Variants in SNRNP40 observed in about 807,000 individuals in gnomAD.
SNRNP40 encodes U5 small nuclear ribonucleoprotein 40 kDa protein.
In SNRNP40, 21 loss-of-function variants were observed where a neutral mutation model predicts 45.8. The observed-to-expected ratio is 0.46, with a 90% confidence interval of 0.32 to 0.66. The LOEUF (loss-of-function observed/expected upper bound fraction) is 0.66. Ranked by LOEUF, SNRNP40 falls within the 30% of genes least tolerant of loss-of-function variation. SNRNP40 has a pLI of 0.03. For missense variants in SNRNP40, 344 were observed against 439.1 expected (o/e 0.78, Z 1.94); for synonymous variants, 142 against 163.8 (o/e 0.87, Z 1.01).
intron 5 of SNRNP40, among the ~76,000 whole-genome samples, chr1:31,274,274 G>C (rs1431062430): frequency 6.6e-6 from 1 of 152,132 alleles, no homozygotes; most frequent in Non-Finnish European, 1.5e-5. Context: ...GTCTCCCTCT[G>C]TTGCCAGGCT....
At position 31,281,598 on chromosome 1, in the gene SNRNP40, A is replaced by G. The variant is rs1031287159; in HGVS notation, c.532-102T>C. 5.1e-5 allele frequency: 52 copies of G among 1,010,154 alleles called. No homozygotes were observed. In the African/African-American group the frequency reaches 7.8e-4, roughly 15 times the overall value. The allele number at this position is 1,010,154 out of a possible 1,614,324, so 62.6% of individuals were successfully genotyped here. A position where few individuals can be genotyped will look rare whatever the true frequency, so the allele number is the denominator to read the frequency against. ...ACGAGGACTTTGTGGACATGAACAC[A>G]TCTATAATTGGGATCCTATATCACT... On this transcript the variant is annotated intron_variant, in intron 4 of 9. Transcript: ENST00000263694.
intron 4 of SNRNP40, among the ~76,000 whole-genome samples, chr1:31,287,704 T>C (rs11587499): frequency 3.9e-5 from 6 of 152,066 alleles, no homozygotes; most frequent in Non-Finnish European, 8.8e-5. Context: ...AACCACTCAG[T>C]AGAAAAACGT....
chr1:31,285,737 G>A (rs1183361479), intron 4 of SNRNP40, among the ~76,000 whole-genome samples: 1 of 152,162 alleles, frequency 6.6e-6, no homozygotes, highest in Non-Finnish European at 1.5e-5. Flanking sequence ...ACTCCAGTCT[G>A]CAAGACTCTC....
At chr1:31,294,268 T>C (rs1361597572) in intron 1 of SNRNP40, among the ~76,000 whole-genome samples, 1 of 152,084 alleles carries the variant, frequency 6.6e-6, no homozygotes, top group Admixed American at 6.6e-5. Flanking sequence ...TATTTTTATT[T>C]CTTATTTTTT....
In SNRNP40 at chr1:31,262,726, A is replaced by G. The variant is rs115232058; in HGVS notation, c.921-1094T>C. Among the ~76,000 whole-genome samples the G allele has an allele frequency of 6.0e-3, 909 of 152,100 alleles. 5 individuals carry two copies. Among genetic ancestry groups the G allele is most frequent in the Non-Finnish European group, 8.3e-3 (567 of 67,984 alleles). ...AGACAAAATTTTTATTTGTCATTAA[A>G]AAAAATTATGAGGCTGGGCATGGTG... On this transcript the variant is annotated intron_variant, in intron 8 of 9. Transcript: ENST00000263694.
intron 1 of SNRNP40, among the ~76,000 whole-genome samples, chr1:31,295,590 A>C (rs758508150): frequency 6.6e-5 from 10 of 152,208 alleles, no homozygotes; most frequent in Non-Finnish European, 1.3e-4. Context: ...AGCAATAAGA[A>C]ATTGGTCAGA....
In SNRNP40 at chr1:31,281,442, C is replaced by A; in HGVS notation, c.586G>T (p.Val196Leu). ...AIQTFQNTYQ[V>L]LAVTFNDTSD... ...GTGTCATTGAAGGTCACAGCTAACACCTGGTACGTGTTCTGAAATGTCTGG... is the reference window on the plus strand; with the variant it reads ...GTGTCATTGAAGGTCACAGCTAACAACTGGTACGTGTTCTGAAATGTCTGG... Residue 196 changes from valine (V) to leucine (L), a missense_variant, in exon 5 of 10, where the codon GTG (valine) becomes TTG (leucine). By Grantham distance (32) the Val-to-Leu change is conservative. This residue lies in a region of SNRNP40 where 254 missense variants were observed against 380.2 expected (regional missense o/e 0.67). Transcript: ENST00000263694. The A allele has an allele frequency of 6.2e-7, 1 of 1,610,044 alleles. No individual in the cohort carries two copies. Among genetic ancestry groups the A allele is most frequent in the Non-Finnish European group, 8.5e-7 (1 of 1,176,548 alleles).
chr1:31,277,975 G>GT (rs1271069935), intron 5 of SNRNP40, among the ~76,000 whole-genome samples: 9 of 152,204 alleles, frequency 5.9e-5, no homozygotes, highest in Non-Finnish European at 1.3e-4. Context: ...GATTACAGGC[G>GT]TGAGCCAACA....
chr1:31,284,429 C>T (rs1363353125), intron 4 of SNRNP40, among the ~76,000 whole-genome samples: 3 of 152,176 alleles, frequency 2.0e-5, no homozygotes, highest in African/African-American at 4.8e-5. Context: ...GGATTACAGG[C>T]GTGAGCCACT....
chr1:31,286,274 T>C (rs1437273443), intron 4 of SNRNP40, among the ~76,000 whole-genome samples: 1 of 152,224 alleles, frequency 6.6e-6, no homozygotes, highest in East Asian at 1.9e-4. Context: ...TTTAGTCTTC[T>C]CTTTTGTACT....
At chr1:31,290,605 C>A (rs12409630) in intron 3 of SNRNP40, among the ~76,000 whole-genome samples, 1 of 152,050 alleles carries the variant, frequency 6.6e-6, no homozygotes, top group Non-Finnish European at 1.5e-5. Context: ...TGGCCAGGTG[C>A]GGTGGCTCAC....
At chr1:31,268,864 G>C (rs1437805261) in intron 7 of SNRNP40, among the ~76,000 whole-genome samples, 1 of 152,130 alleles carries the variant, frequency 6.6e-6, no homozygotes, top group Non-Finnish European at 1.5e-5. Flanking sequence ...TGATTTAGGA[G>C]GGTAAAATTC....
At chr1:31,291,548 G>A (rs1043066112) in intron 3 of SNRNP40, among the ~76,000 whole-genome samples, 4 of 152,088 alleles carry the variant, frequency 2.6e-5, no homozygotes, top group South Asian at 2.1e-4. Flanking sequence ...GCATGGAGGC[G>A]TGGGCTTGTG....
chr1:31,283,368 C>T (rs1276121291), intron 4 of SNRNP40, among the ~76,000 whole-genome samples: 1 of 152,136 alleles, frequency 6.6e-6, no homozygotes. Context: ...TTTGGGAGGC[C>T]GAGGTGGATG....
At chr1:31,278,820 T>C (rs1457213113) in intron 5 of SNRNP40, among the ~76,000 whole-genome samples, 1 of 152,058 alleles carries the variant, frequency 6.6e-6, no homozygotes, top group African/African-American at 2.4e-5. Flanking sequence ...GTTGTGGAAG[T>C]AGACGAGATC....
At chr1:31,263,454 C>T (rs139887548) in intron 8 of SNRNP40, 8 of 217,188 alleles carry the variant, frequency 3.7e-5, no homozygotes, top group South Asian at 3.0e-4. Flanking sequence ...GCTGGGATGA[C>T]GGGCATGAGC....
At chr1:31,262,535 AAAAAAAAAAGAG>A (rs896438537) in intron 8 of SNRNP40, among the ~76,000 whole-genome samples, 2 of 100,056 alleles carry the variant, frequency 2.0e-5, no homozygotes, top group Non-Finnish European at 5.1e-5. Context: ...AAAAAAAAAA[AAAAAAAAAAGAG>A]GAGAAAAAAG....
intron 9 of SNRNP40, among the ~76,000 whole-genome samples, 200 bp from the exon 10 acceptor site, chr1:31,260,321 T>TA (rs1645849659): frequency 6.6e-6 from 1 of 152,126 alleles, no homozygotes; most frequent in African/African-American, 2.4e-5. Flanking sequence ...ATGACTGTAC[T>TA]ATGGGAAATA....
chr1:31,261,323 TG>T, intron 9 of SNRNP40: 1 of 558,754 alleles, frequency 1.8e-6, no homozygotes, highest in South Asian at 2.1e-5. Flanking sequence ...TGCTCCAACC[TG>T]GGCAAAACAG....
Sources: allele counts gnomAD v4.1 joint callset (sites outside exome capture counted in the v4.1 genomes callset), GRCh38; gene constraint gnomAD v4.1.1; regional missense constraint gnomAD v4.1.1; transcripts MANE v1.5; gene names NCBI Gene and HGNC (gene_info 2026-07-23, HGNC 2026-07-21).